The following FREM3 variants were observed in gnomAD, a reference collection of about 807,000 sequenced individuals.
FREM3 encodes the protein FRAS1 related extracellular matrix 3, also known as FRAS1-related extracellular matrix protein 3.
FREM3 carries 105 observed loss-of-function variants against 129.1 expected under a neutral mutation model. The ratio of observed to expected loss-of-function variants is 0.81; its 90% CI spans 0.69 to 0.96. The LOEUF is 0.96. Ranked by LOEUF, FREM3 falls within the 40% of genes least tolerant of loss-of-function variation. The pLI, the probability that FREM3 is intolerant of heterozygous loss-of-function variation, is 0.00. For missense variants in FREM3, 2,593 were observed against 2,666.3 expected, an observed-to-expected ratio of 0.97 and a Z score of 0.61; for synonymous variants, 1,014 against 1,044.9, an observed-to-expected ratio of 0.97 and a Z score of 0.57.
Position 143,695,900 on chromosome 4 carries a change from G to A in FREM3, c.4776C>T (p.Pro1592=), listed in dbSNP as rs147474555. 1.5e-4 allele frequency: 227 copies of A among 1,537,646 alleles called. No individual in the cohort carries two copies. The African/African-American group carries it at 1.9e-3, about 13-fold the overall frequency. The change falls in exon 1 of 8, where the codon CCC becomes CCT. Residue 1592 remains proline, a synonymous_variant. Coordinates refer to ENST00000329798, the MANE Select transcript of FREM3 (RefSeq NM_001168235.2). The part of the protein sequence containing the change: ...HGKILYNGSR[P]VTTFTKQDLN... The stretch of plus-strand genomic sequence containing the variant: ...GGTCTTGCTTGGTGAAAGTGGTCAC[G>A]GGACGGCTACCATTGTACAAAATCT...
intron 2 of FREM3, among the ~76,000 whole-genome samples, chr4:143,678,453 A>T (rs940249719): frequency 6.6e-6 from 1 of 152,112 alleles, no homozygotes; most frequent in Non-Finnish European, 1.5e-5. Context: ...TGATGAGTTA[A>T]TGGGTGCAGC....
At chr4:143,625,169 A>T (rs1475288620) in intron 3 of FREM3, among the ~76,000 whole-genome samples, 1 of 152,174 alleles carries the variant, frequency 6.6e-6, no homozygotes, top group Non-Finnish European at 1.5e-5. Context: ...GACTAAATAG[A>T]CCTTCCTCTC....
At chr4:143,661,289 A>G (rs921012310) in intron 2 of FREM3, among the ~76,000 whole-genome samples, 10 of 152,206 alleles carry the variant, frequency 6.6e-5, no homozygotes, top group African/African-American at 2.4e-4. Context: ...AGTTTTTAGC[A>G]TGAAGGTAAG....
intron 7 of FREM3, among the ~76,000 whole-genome samples, chr4:143,582,616 C>T (rs1738167984): frequency 6.6e-6 from 1 of 152,180 alleles, no homozygotes; most frequent in Non-Finnish European, 1.5e-5. Flanking sequence ...TAGTGTCTTC[C>T]TTCCTCCAAA....
chr4:143,690,363 G>C (rs1407655092), intron 2 of FREM3, among the ~76,000 whole-genome samples: 1 of 152,144 alleles, frequency 6.6e-6, no homozygotes, highest in Non-Finnish European at 1.5e-5. Flanking sequence ...TCACTCTTGA[G>C]ATTTTAGTAA....
At chr4:143,606,496 A>T (rs1443276051) in intron 6 of FREM3, among the ~76,000 whole-genome samples, 12 of 152,098 alleles carry the variant, frequency 7.9e-5, no homozygotes, top group Non-Finnish European at 1.6e-4. Context: ...CGTTATAGGA[A>T]ACACTAGATG....
In FREM3 at chr4:143,648,037, G is replaced by T. The variant is rs534486926; in HGVS notation, c.5276-20277C>A. 4.6e-5 allele frequency among the ~76,000 whole-genome samples: 7 copies of T among 152,344 alleles called. No homozygotes were observed. In the East Asian group the frequency reaches 1.4e-3, roughly 29 times the overall value. On this transcript the variant is annotated intron_variant, in intron 2 of 7. Coordinates refer to ENST00000329798, the MANE Select transcript of FREM3 (RefSeq NM_001168235.2). ...AAGCCACAGCGCAGAGCTGTTCAAG[G>T]CCATGGGAGCCCACCTCGTGCATCA...
At chr4:143,579,062 C>CAA (rs150448106) in intron 7 of FREM3, among the ~76,000 whole-genome samples, 5 of 96,940 alleles carry the variant, frequency 5.2e-5, no homozygotes, top group Non-Finnish European at 4.5e-5. Context: ...CAAGAGTTGA[C>CAA]AAAAAAAAAA....
chr4:143,652,819 G>T (rs186484352), intron 2 of FREM3, among the ~76,000 whole-genome samples: 1 of 152,162 alleles, frequency 6.6e-6, no homozygotes, highest in African/African-American at 2.4e-5. Flanking sequence ...TATAGAGATG[G>T]GGTTTTGCCA....
intron 2 of FREM3, among the ~76,000 whole-genome samples, chr4:143,687,146 T>C (rs1457530927): frequency 6.6e-6 from 1 of 152,002 alleles, no homozygotes; most frequent in Non-Finnish European, 1.5e-5. Flanking sequence ...ATAACCTCAC[T>C]AAGAAACAAA....
chr4:143,667,653 C>A (rs1739888194), intron 2 of FREM3, among the ~76,000 whole-genome samples: 1 of 152,144 alleles, frequency 6.6e-6, no homozygotes, highest in African/African-American at 2.4e-5. Flanking sequence ...AGTTGAGTAA[C>A]TCAACTGGCT....
intron 6 of FREM3, among the ~76,000 whole-genome samples, chr4:143,610,467 G>A (rs1432852076): frequency 2.0e-5 from 3 of 152,096 alleles, no homozygotes; most frequent in African/African-American, 7.2e-5. Flanking sequence ...GCTTTGTGGT[G>A]CATCCATAAA....
intron 2 of FREM3, among the ~76,000 whole-genome samples, chr4:143,646,945 A>C (rs1033009299): frequency 6.6e-6 from 1 of 151,952 alleles, no homozygotes; most frequent in Non-Finnish European, 1.5e-5. Flanking sequence ...AAGATAGGAA[A>C]ATGTGGAAAA....
At chr4:143,690,139 C>G (rs532122939) in intron 2 of FREM3, among the ~76,000 whole-genome samples, 16 of 151,972 alleles carry the variant, frequency 1.1e-4, no homozygotes, top group Non-Finnish European at 1.9e-4. Flanking sequence ...GTTCAAGCCA[C>G]TAAGTTTGTG....
At chr4:143,595,216 A>G (rs143548295) in intron 6 of FREM3, among the ~76,000 whole-genome samples, 2 of 152,336 alleles carry the variant, frequency 1.3e-5, no homozygotes, top group African/African-American at 2.4e-5. Flanking sequence ...AGATAGGAAA[A>G]TATTTTTCCA....
chr4:143,645,436 C>T (rs540340599), intron 2 of FREM3, among the ~76,000 whole-genome samples: 8 of 152,246 alleles, frequency 5.3e-5, no homozygotes, highest in Admixed American at 2.6e-4. Flanking sequence ...TTTGTGTATG[C>T]GATTAACATT....
rs976868298 is a variant in FREM3 at position 143,662,053 on chromosome 4, T to C, written c.5275+31060A>G. ...TTCAAAAAACCAGCTCCTGGATTCA[T>C]TGATTTTTTGAAGGGTTTTTTGTGT... On this transcript the variant is annotated intron_variant, in intron 2 of 7. Transcript: ENST00000329798. Among the ~76,000 whole-genome samples the C allele has an allele frequency of 7.8e-4, 118 of 152,188 alleles. 1 individual carries two copies. The highest frequency in any genetic ancestry group is 2.6e-3 in the African/African-American group (110 of 41,538).
At chr4:143,654,416 T>G (rs967336406) in intron 2 of FREM3, among the ~76,000 whole-genome samples, 1 of 152,244 alleles carries the variant, frequency 6.6e-6, no homozygotes, top group Non-Finnish European at 1.5e-5. Context: ...AACTAAGGAA[T>G]CTTTCTGTCT....
intron 5 of FREM3, among the ~76,000 whole-genome samples, chr4:143,616,514 C>T (rs1288153335): frequency 6.6e-6 from 1 of 152,090 alleles, no homozygotes; most frequent in Non-Finnish European, 1.5e-5. Flanking sequence ...TGGCCGGGCG[C>T]AGTGGCTCAC....
Sources: allele counts gnomAD v4.1 joint callset (sites outside exome capture counted in the v4.1 genomes callset), GRCh38; gene constraint gnomAD v4.1.1; transcripts MANE v1.5; gene names NCBI Gene and HGNC (gene_info 2026-07-23, HGNC 2026-07-21).